PRSS23: variants seen among roughly 807,000 people sequenced by gnomAD.
The protein encoded by PRSS23 is protease, serine 23.
In PRSS23, 25 loss-of-function variants were observed where a neutral mutation model predicts 34.7. The ratio of observed to expected loss-of-function variants is 0.72; its 90% CI spans 0.53 to 1.01. PRSS23 has a LOEUF of 1.01. Among genes scored for constraint, PRSS23 ranks in the 50% least tolerant of loss-of-function variants. The probability of loss-of-function intolerance (pLI) is 0.00; values close to 1 mark genes in which losing one functional copy is unlikely to be tolerated. For synonymous variants in PRSS23, 176 were observed against 186.6 expected (o/e 0.94, Z 0.46); for missense variants, 445 against 475.6 (o/e 0.94, Z 0.60).
intron 2 of PRSS23, among the ~76,000 whole-genome samples, chr11:86,880,292 A>AG (rs1308512100): frequency 2.6e-4 from 39 of 150,226 alleles, no homozygotes; most frequent in African/African-American, 9.6e-4. Context: ...TCAAGTACCC[A>AG]GGGACACAAA....
intron 2 of PRSS23, among the ~76,000 whole-genome samples, chr11:86,889,788 T>A (rs925971965): frequency 3.3e-5 from 5 of 152,182 alleles, no homozygotes; most frequent in Non-Finnish European, 5.9e-5. Context: ...ATCAGAAATG[T>A]CAAATCCTGA....
intron 2 of PRSS23, among the ~76,000 whole-genome samples, chr11:86,901,079 C>G (rs1948908945): frequency 6.6e-6 from 1 of 152,006 alleles, no homozygotes; most frequent in Non-Finnish European, 1.5e-5. Flanking sequence ...GCAACCATAC[C>G]CGGCTTATCA....
intron 2 of PRSS23, among the ~76,000 whole-genome samples, chr11:86,876,951 C>A (rs1948728805): frequency 6.6e-6 from 1 of 152,178 alleles, no homozygotes; most frequent in Admixed American, 6.5e-5. Flanking sequence ...TAAAGAGTCT[C>A]CATCATAAGA....
chr11:86,922,111 G>C (rs539780329), intron 2 of PRSS23: 9 of 152,280 alleles, frequency 5.9e-5, no homozygotes, highest in African/African-American at 2.2e-4. Context: ...GGAATGGAAA[G>C]TTATTATTAA....
chr11:86,927,345 C>T (rs1949088067), intron 2 of PRSS23, among the ~76,000 whole-genome samples: 1 of 152,192 alleles, frequency 6.6e-6, no homozygotes, highest in Non-Finnish European at 1.5e-5. Flanking sequence ...GTCTGATTGA[C>T]TCTAAAGGTT....
chr11:86,812,787 C>CAAAAAAAAAAAAA (rs35855610), downstream of PRSS23, among the ~76,000 whole-genome samples: 1 of 83,894 alleles, frequency 1.2e-5, no homozygotes. Flanking sequence ...GACTCTGTCT[C>CAAAAAAAAAAAAA]AAAAAAAAAA....
At chr11:86,857,670 C>A in intron 2 of PRSS23, 1 of 551,850 alleles carries the variant, frequency 1.8e-6, no homozygotes, top group South Asian at 1.4e-5. Flanking sequence ...CCATCAGAGT[C>A]AGGAGCATGT....
intron 2 of PRSS23, among the ~76,000 whole-genome samples, chr11:86,867,115 T>A (rs1289976540): frequency 9.2e-5 from 14 of 152,184 alleles, no homozygotes; most frequent in Non-Finnish European, 4.4e-5. Flanking sequence ...TCTAGCTTCA[T>A]CCCCGAGCAG....
rs80358284 is a variant in PRSS23, at chr11:86,952,443, T to C, written c.*1158T>C. 1.9e-5 allele frequency: 31 copies of C among 1,613,812 alleles called. No individual in the cohort carries two copies. The highest frequency in any genetic ancestry group is 1.7e-4 in the Middle Eastern group (1 of 6,048). ...GGGATGTTGATCTTCTCTGTGCACA[T>C]TGGCACATAAACAGAACAAAGGAAG... On this transcript the variant is annotated 3_prime_UTR_variant, in exon 3 of 3. Coordinates refer to the PRSS23 transcript ENST00000533902.
intron 2 of PRSS23, among the ~76,000 whole-genome samples, chr11:86,870,376 T>G (rs1284254769): frequency 1.3e-5 from 2 of 152,202 alleles, no homozygotes; most frequent in Non-Finnish European, 2.9e-5. Flanking sequence ...GGCCTCGTAC[T>G]GTGTTTAGTT....
rs186182353 is a variant in PRSS23 at position 86,843,441 on chromosome 11, A to G, written c.206+19848A>G. ...CAAATGGGATTTAATTAAACTAAAG[A>G]GCTTCTGCACAGCAAAAGAAACTAC... On this transcript the variant is annotated intron_variant, in intron 2 of 2. Transcript: ENST00000533902. Among the ~76,000 whole-genome samples the G allele has an allele frequency of 9.5e-4, 144 of 152,354 alleles. 1 individual carries two copies. Among genetic ancestry groups the G allele is most frequent in the African/African-American group, 3.3e-3 (136 of 41,582 alleles).
chr11:86,937,747 C>T (rs1362023938), intron 2 of PRSS23: 1 of 152,224 alleles, frequency 6.6e-6, no homozygotes, highest in Non-Finnish European at 1.5e-5. Flanking sequence ...AAATAGGCAA[C>T]CAGAAGCCTT....
intron 2 of PRSS23, among the ~76,000 whole-genome samples, chr11:86,849,874 C>T (rs956215271): frequency 1.2e-4 from 18 of 152,264 alleles, no homozygotes; most frequent in Middle Eastern, 3.4e-3. Flanking sequence ...TTAATTCTCT[C>T]GCTGCAGTAG....
At chr11:86,914,042 TAA>T (rs35087518) in intron 2 of PRSS23, among the ~76,000 whole-genome samples, 6 of 114,874 alleles carry the variant, frequency 5.2e-5, no homozygotes, top group Admixed American at 9.5e-5. Context: ...CCATCTCTAC[TAA>T]AAAAAAAAAA....
chr11:86,848,745 G>A (rs373489830), intron 2 of PRSS23, among the ~76,000 whole-genome samples: 1 of 152,172 alleles, frequency 6.6e-6, no homozygotes, highest in Non-Finnish European at 1.5e-5. Context: ...CAACCTCGTT[G>A]TTCTATAACA....
chr11:86,817,900 T>C (rs914965141), intron 1 of PRSS23, among the ~76,000 whole-genome samples: 1 of 152,216 alleles, frequency 6.6e-6, no homozygotes, highest in Admixed American at 6.5e-5. Context: ...AACACACAGC[T>C]AGAAATGGGA....
chr11:86,930,717 G>A (rs1044699373), intron 2 of PRSS23, among the ~76,000 whole-genome samples: 12 of 151,774 alleles, frequency 7.9e-5, no homozygotes, highest in Admixed American at 5.9e-4. Context: ...GTGAACCTGG[G>A]AGGCGGAGCT....
chr11:86,845,716 A>G (rs189299156), intron 2 of PRSS23, among the ~76,000 whole-genome samples: 281 of 152,170 alleles, frequency 1.8e-3, no homozygotes, highest in African/African-American at 6.4e-3. Flanking sequence ...TCCCCAAGAA[A>G]GCTATAAACA....
At chr11:86,919,095 C>T (rs759809760) in intron 2 of PRSS23, among the ~76,000 whole-genome samples, 12 of 152,154 alleles carry the variant, frequency 7.9e-5, no homozygotes, top group Non-Finnish European at 1.3e-4. Flanking sequence ...GCCTGGTGCA[C>T]GGGTCACTGT....
Sources: gnomAD v4.1 joint callset for allele counts (sites outside exome capture counted in the v4.1 genomes callset) on GRCh38, gnomAD v4.1.1 for gene constraint, MANE v1.5 for transcripts, NCBI Gene and HGNC (gene_info 2026-07-23, HGNC 2026-07-21) for gene names.